The following OTOGL variants were observed in gnomAD, a reference collection of about 807,000 sequenced individuals.
OTOGL encodes otogelin like.
Under a neutral mutation model 318.5 loss-of-function variants are expected in OTOGL, and 285 were observed. The observed-to-expected ratio is 0.89, with a 90% confidence interval of 0.81 to 0.99. The LOEUF (loss-of-function observed/expected upper bound fraction) is 0.99, where lower values mean the gene tolerates loss of function less well. OTOGL is among the 50% of genes least tolerant of loss of function. The pLI, the probability that OTOGL is intolerant of heterozygous loss-of-function variation, is 0.00. For missense variants in OTOGL, 2,899 were observed against 2,845.6 expected (o/e 1.02, Z -0.43); for synonymous variants, 987 against 936.5 (o/e 1.05, Z -0.99).
intron 1 of OTOGL, among the ~76,000 whole-genome samples, chr12:80,136,920 T>TA (rs1229049199): frequency 4.6e-5 from 7 of 152,216 alleles, no homozygotes; most frequent in African/African-American, 1.7e-4. Context: ...TAGAAGTTTT[T>TA]ATCTATTTTG....
At chr12:80,294,835 C>T (rs758045559) in intron 26 of OTOGL, among the ~76,000 whole-genome samples, 4 of 152,124 alleles carry the variant, frequency 2.6e-5, no homozygotes, top group Non-Finnish European at 5.9e-5. Flanking sequence ...ACCTCTAATC[C>T]CAGCACTTTG....
chr12:80,131,898 C>T (rs1871263161), intron 1 of OTOGL: 1 of 152,124 alleles, frequency 6.6e-6, no homozygotes, highest in South Asian at 2.1e-4. Flanking sequence ...TGTCTGATTC[C>T]AAAGCCCTTT....
At chr12:80,290,475 T>C (rs143494654) in intron 26 of OTOGL, among the ~76,000 whole-genome samples, 58 of 152,280 alleles carry the variant, frequency 3.8e-4, no homozygotes, top group African/African-American at 1.3e-3. Context: ...TTTTAATTAT[T>C]TTTGAAATTA....
intron 37 of OTOGL, among the ~76,000 whole-genome samples, chr12:80,331,225 C>A (rs1195613716): frequency 6.6e-6 from 1 of 151,736 alleles, no homozygotes; most frequent in East Asian, 1.9e-4. Context: ...CTGTAGTTAT[C>A]AAGACAGTTT....
chr12:80,171,101 A>C (rs1184976508), intron 1 of OTOGL, among the ~76,000 whole-genome samples: 1 of 151,712 alleles, frequency 6.6e-6, no homozygotes, highest in Non-Finnish European at 1.5e-5. Flanking sequence ...TTGAGTCAGA[A>C]TCTCATCCTG....
chr12:80,117,209 A>T (rs1253268439), intron 1 of OTOGL, among the ~76,000 whole-genome samples: 1 of 152,148 alleles, frequency 6.6e-6, no homozygotes, highest in African/African-American at 2.4e-5. Context: ...CTTAGTTACC[A>T]TGTTAACTAC....
chr12:80,300,979 T>C (rs1263700249), intron 27 of OTOGL, among the ~76,000 whole-genome samples: 1 of 152,232 alleles, frequency 6.6e-6, no homozygotes. Context: ...TACAATATAT[T>C]GTGCACCTGT....
chr12:80,356,768 A>T (rs1158427736), intron 48 of OTOGL, 39 bp from the exon 49 acceptor site: 4 of 1,279,826 alleles, frequency 3.1e-6, no homozygotes, highest in Admixed American at 2.2e-5. Context: ...TTTTTTTATT[A>T]TGCTATACAA....
chr12:80,280,080 T>C (rs1296739194), intron 26 of OTOGL, among the ~76,000 whole-genome samples: 2 of 151,990 alleles, frequency 1.3e-5, no homozygotes, highest in African/African-American at 4.8e-5. Context: ...CATATGCTTG[T>C]TGGCTGCATG....
intron 1 of OTOGL, among the ~76,000 whole-genome samples, chr12:80,147,632 T>A (rs570626042): frequency 1.3e-5 from 2 of 152,156 alleles, no homozygotes; most frequent in South Asian, 4.2e-4. Context: ...GTCTCCTTGA[T>A]CTGTCTAATG....
chr12:80,328,518 C>G (rs1385431728), intron 35 of OTOGL, 147 bp from the exon 36 acceptor site: 1 of 621,982 alleles, frequency 1.6e-6, no homozygotes, highest in Non-Finnish European at 2.8e-6. Flanking sequence ...AACGAAGTAG[C>G]AGATGGAGCA....
At chr12:80,238,440 A>G (rs1880057300) in intron 9 of OTOGL, among the ~76,000 whole-genome samples, 1 of 152,158 alleles carries the variant, frequency 6.6e-6, no homozygotes, top group South Asian at 2.1e-4. Flanking sequence ...GTTCTTACTA[A>G]TATTAAATAT....
At chr12:80,275,042 A>G (rs1027142527) in intron 24 of OTOGL, among the ~76,000 whole-genome samples, 1 of 151,972 alleles carries the variant, frequency 6.6e-6, no homozygotes, top group Non-Finnish European at 1.5e-5. Flanking sequence ...ATGCTTGCTA[A>G]CACATTTATT....
intron 44 of OTOGL, among the ~76,000 whole-genome samples, chr12:80,349,658 TTG>T (rs1357379914): frequency 6.6e-6 from 1 of 152,196 alleles, no homozygotes; most frequent in Non-Finnish European, 1.5e-5. Context: ...TTCATTGCAT[TTG>T]ATTAAAAGAA....
chr12:80,366,241 A>T, intron 52 of OTOGL: 1 of 427,650 alleles, frequency 2.3e-6, no homozygotes, highest in Non-Finnish European at 4.8e-6. Flanking sequence ...TACTATACTC[A>T]TTGTGTTGCT....
Position 80,107,826 on chromosome 12 carries a change from C to T in OTOGL, c.-20+8221C>T, listed in dbSNP as rs116154750. ...CATGATGGAGCTGGAGGCCATTATC[C>T]CAAGTAAACTAATGCAGGAACAGAA... On this transcript the variant is annotated intron_variant, in intron 1 of 58. Transcript: ENST00000547103. Among the ~76,000 whole-genome samples, 996 of 152,064 alleles carry T rather than the reference C, an allele frequency of 6.5e-3. 13 individuals carry two copies. The highest frequency in any genetic ancestry group is 0.023 in the African/African-American group (953 of 41,484).
intron 1 of OTOGL, among the ~76,000 whole-genome samples, chr12:80,202,438 T>C (rs1299878780): frequency 6.6e-6 from 1 of 151,776 alleles, no homozygotes; most frequent in African/African-American, 2.4e-5. Flanking sequence ...GCCTGGCTAA[T>C]TTTTTTGTAT....
intron 1 of OTOGL, among the ~76,000 whole-genome samples, chr12:80,156,593 C>T (rs1200939485): frequency 2.6e-5 from 4 of 152,032 alleles, no homozygotes; most frequent in Non-Finnish European, 5.9e-5. Flanking sequence ...GAAGTCTTTC[C>T]CATGCTGTTC....
intron 2 of OTOGL, 131 bp downstream of exon 2, chr12:80,209,641 C>T (rs1372186824): frequency 3.3e-5 from 16 of 488,476 alleles, no homozygotes; most frequent in African/African-American, 7.8e-5. Flanking sequence ...ATACTCAGAT[C>T]ACCTTTTAAA....
Sources: allele counts gnomAD v4.1 joint callset (sites outside exome capture counted in the v4.1 genomes callset), GRCh38; gene constraint gnomAD v4.1.1; transcripts MANE v1.5; gene names NCBI Gene and HGNC (gene_info 2026-07-23, HGNC 2026-07-21).